The following CBLN2 variants were observed in gnomAD, a reference collection of about 807,000 sequenced individuals.
CBLN2 encodes the protein cerebellin-2.
CBLN2 carries 7 observed loss-of-function variants against 15.0 expected under a neutral mutation model. That is an observed-to-expected ratio of 0.47 (90% CI 0.27 to 0.88). The LOEUF is 0.88. Ranked by LOEUF, CBLN2 falls within the 40% of genes least tolerant of loss-of-function variation. CBLN2 has a pLI of 0.14. For missense variants in CBLN2, 242 were observed against 304.5 expected, an observed-to-expected ratio of 0.79 and a Z score of 1.53; for synonymous variants, 149 against 135.2, an observed-to-expected ratio of 1.10 and a Z score of -0.71.
chr18:72,619,845 G>T (rs1359584186), intron 1 of CBLN2, among the ~76,000 whole-genome samples: 2 of 152,176 alleles, frequency 1.3e-5, no homozygotes, highest in Non-Finnish European at 2.9e-5. Flanking sequence ...AATGGGATTT[G>T]TGACAGAGGT....
At position 72,538,645 on chromosome 18, in the gene CBLN2, C is replaced by G. The variant is rs752363713; in HGVS notation, c.477+8G>C. 1 of 1,613,504 alleles carries G rather than the reference C, an allele frequency of 6.2e-7. No homozygotes were observed. The highest frequency in any genetic ancestry group is 8.5e-7 in the Non-Finnish European group (1 of 1,179,730). Reference sequence around the variant, plus strand: ...AACCTGAAAGGATCCAGTTTCAAATCTACCCACCTGGATGGTTTGTCTGTT... The same window carrying G: ...AACCTGAAAGGATCCAGTTTCAAATGTACCCACCTGGATGGTTTGTCTGTT... On this transcript the variant is annotated splice_region_variant and intron_variant, in intron 4 of 4. Coordinates refer to ENST00000269503, the MANE Select transcript of CBLN2 (RefSeq NM_182511.4).
chr18:72,555,989 C>A (rs1180355775), intron 1 of CBLN2, among the ~76,000 whole-genome samples: 4 of 152,136 alleles, frequency 2.6e-5, no homozygotes, highest in African/African-American at 4.8e-5. Context: ...CCCAGTTGAA[C>A]CATTCTTCCT....
At chr18:72,550,563 T>C (rs2069185733) in intron 1 of CBLN2, among the ~76,000 whole-genome samples, 1 of 152,204 alleles carries the variant, frequency 6.6e-6, no homozygotes, top group Non-Finnish European at 1.5e-5. Flanking sequence ...AGTGAAATGA[T>C]ATTCACACTA....
chr18:72,567,628 T>C (rs1266792581), intron 1 of CBLN2, among the ~76,000 whole-genome samples: 1 of 152,232 alleles, frequency 6.6e-6, no homozygotes, highest in East Asian at 1.9e-4. Flanking sequence ...CATATTCTTA[T>C]GCATTATTTC....
chr18:72,624,996 A>G (rs1410744564), intron 1 of CBLN2, among the ~76,000 whole-genome samples: 4 of 152,234 alleles, frequency 2.6e-5, no homozygotes, highest in Non-Finnish European at 5.9e-5. Context: ...AAAGAAAAAA[A>G]CAAAATTGTT....
chr18:72,607,655 C>A (rs1371530155), intron 1 of CBLN2, among the ~76,000 whole-genome samples: 2 of 149,796 alleles, frequency 1.3e-5, no homozygotes, highest in Non-Finnish European at 2.9e-5. Flanking sequence ...GCCAAAATAA[C>A]ATTTATAGGA....
intron 1 of CBLN2, among the ~76,000 whole-genome samples, chr18:72,567,657 A>G (rs1338469344): frequency 6.6e-6 from 1 of 152,186 alleles, no homozygotes; most frequent in Admixed American, 6.5e-5. Flanking sequence ...TCCAGCCTCT[A>G]AGATGAGTTC....
At chr18:72,556,323 A>G (rs981402113) in intron 1 of CBLN2, among the ~76,000 whole-genome samples, 1 of 152,222 alleles carries the variant, frequency 6.6e-6, no homozygotes, top group Non-Finnish European at 1.5e-5. Flanking sequence ...TAAGAATGTC[A>G]GGTCTGCAAT....
At chr18:72,625,910 A>G (rs2144972848) in intron 1 of CBLN2, among the ~76,000 whole-genome samples, 1 of 146,246 alleles carries the variant, frequency 6.8e-6, no homozygotes, top group East Asian at 2.0e-4. Flanking sequence ...ACTATTTTGG[A>G]TGTGTTGTGA....
chr18:72,638,012 A>T (rs921267095), intron 1 of CBLN2, among the ~76,000 whole-genome samples: 3 of 152,188 alleles, frequency 2.0e-5, no homozygotes, highest in Admixed American at 6.5e-5. Flanking sequence ...AGACTGTGGT[A>T]GGAAAGCTTG....
chr18:72,633,632 C>A (rs1171704708), intron 1 of CBLN2, among the ~76,000 whole-genome samples: 1 of 152,122 alleles, frequency 6.6e-6, no homozygotes, highest in Non-Finnish European at 1.5e-5. Flanking sequence ...GAAAAGTAAT[C>A]AGAACAGTTA....
chr18:72,593,931 C>T (rs928066409), intron 1 of CBLN2, among the ~76,000 whole-genome samples: 9 of 152,132 alleles, frequency 5.9e-5, no homozygotes, highest in Non-Finnish European at 1.3e-4. Flanking sequence ...GGCACATATA[C>T]ACCATGGAAT....
rs1429660889 is a variant in CBLN2 at position 72,537,927 on chromosome 18, C to T, written c.*249G>A. 5.5e-6 allele frequency: 3 copies of T among 544,630 alleles called. No homozygotes were observed. Among genetic ancestry groups the T allele is most frequent in the Admixed American group, 3.2e-5 (1 of 31,320 alleles). The allele number at this position is 544,630 out of a possible 1,614,324, so 33.7% of individuals were successfully genotyped here. A position where few individuals can be genotyped will look rare whatever the true frequency, so the allele number is the denominator to read the frequency against. ...AATCACAGGTACAAATTGCTCAAAT[C>T]GATAATTTCATTTCTCCTTAAGACC... On this transcript the variant is annotated 3_prime_UTR_variant, in exon 5 of 5. Coordinates refer to ENST00000269503, the MANE Select transcript of CBLN2 (RefSeq NM_182511.4).
At chr18:72,613,257 G>T (rs1407582143) in intron 1 of CBLN2, among the ~76,000 whole-genome samples, 1 of 152,076 alleles carries the variant, frequency 6.6e-6, no homozygotes, top group Non-Finnish European at 1.5e-5. Flanking sequence ...TTTAAGGGGG[G>T]CAAATAATAA....
At chr18:72,615,519 C>T (rs190448197) in intron 1 of CBLN2, among the ~76,000 whole-genome samples, 75 of 151,854 alleles carry the variant, frequency 4.9e-4, no homozygotes, top group African/African-American at 1.5e-3. Context: ...TCATGTGATC[C>T]GCCTGCCTTG....
intron 1 of CBLN2, chr18:72,620,537 T>G (rs772892987): frequency 7.2e-5 from 11 of 152,198 alleles, no homozygotes; most frequent in Non-Finnish European, 1.3e-4. Flanking sequence ...CTTCTCCCTT[T>G]CTCTCTGACT....
chr18:72,584,481 T>G lies in CBLN2; in HGVS notation c.16-45709A>C, dbSNP rs907498722. On this transcript the variant is annotated intron_variant, in intron 1 of 2. Transcript: ENST00000581073. ...CATGCCCAGCTAATTTTTTAATTTT[T>G]TTAGTAGAGCTAGGGTTTCACCGTG... is the stretch of plus-strand genomic sequence containing the variant. Among the ~76,000 whole-genome samples the G allele has an allele frequency of 7.2e-5, 11 of 152,140 alleles. No individual in the cohort carries two copies. The South Asian group carries it at 1.2e-3, about 17-fold the overall frequency.
rs1015480504 is a variant in CBLN2 at position 72,536,682 on chromosome 18, C to T, written c.*1494G>A. ...GACAAAGTGGAGGATGACAGCAAGC[C>T]AGACATCAAACCCATTTATTCTGAA... On this transcript the variant is annotated 3_prime_UTR_variant, in exon 5 of 5. Transcript: ENST00000269503. 3.9e-5 allele frequency: 6 copies of T among 152,606 alleles called. No homozygotes were observed. The highest frequency in any genetic ancestry group is 1.4e-4 in the African/African-American group (6 of 41,438). 9.5% of individuals were successfully genotyped at this position (152,606 alleles called of 1,614,324 possible). A position where few individuals can be genotyped will look rare whatever the true frequency, so the allele number is the denominator to read the frequency against.
intron 3 of CBLN2, among the ~76,000 whole-genome samples, chr18:72,540,587 T>G (rs1200735393): frequency 6.6e-6 from 1 of 152,186 alleles, no homozygotes; most frequent in Non-Finnish European, 1.5e-5. Flanking sequence ...AAATGCCTAT[T>G]CCATTGCTGT....
Sources: gnomAD v4.1 joint callset for allele counts (sites outside exome capture counted in the v4.1 genomes callset) on GRCh38, gnomAD v4.1.1 for gene constraint, MANE v1.5 for transcripts, NCBI Gene and HGNC (gene_info 2026-07-23, HGNC 2026-07-21) for gene names.